Variants in ADA2 observed in about 807,000 individuals in gnomAD.
ADA2 encodes adenosine deaminase CECR1.
A neutral mutation model predicts 44.2 loss-of-function variants in ADA2; 29 were observed. The ratio of observed to expected loss-of-function variants is 0.66; its 90% CI spans 0.49 to 0.89. ADA2 has a LOEUF of 0.89. ADA2 is among the 40% of genes least tolerant of loss of function. The pLI, the probability that ADA2 is intolerant of heterozygous loss-of-function variation, is 0.00. For missense variants in ADA2, 637 were observed against 644.8 expected (o/e 0.99, Z 0.13); for synonymous variants, 215 against 234.9 (o/e 0.92, Z 0.77).
intron 4 of ADA2, among the ~76,000 whole-genome samples, chr22:17,196,322 C>A (rs1362811835): frequency 4.5e-5 from 5 of 111,338 alleles, no homozygotes; most frequent in Non-Finnish European, 7.9e-5. Context: ...AAACTCCATC[C>A]CAAAAAAAAA....
At position 17,182,681 on chromosome 22, in the gene ADA2, A is replaced by C; in HGVS notation, c.1162T>G (p.Leu388Val). Residue 388 changes from leucine (L) to valine (V), a missense_variant, in exon 8 of 10, where the codon TTG becomes GTG. By Grantham distance (32) the Leu-to-Val change is conservative (BLOSUM62 1). Coordinates refer to ENST00000399837, the MANE Select transcript of ADA2 (RefSeq NM_001282225.2). ...GTCCTGACTGCGGGGTGTTTGCTCA[A>C]AGCAAATCCATGGCCGATTCTGGTA... ...NTTRIGHGFA[L>V]SKHPAVRTYS... 2 of 1,614,088 alleles carry C rather than the reference A, an allele frequency of 1.2e-6. No individual in the cohort carries two copies. Among genetic ancestry groups the C allele is most frequent in the Non-Finnish European group, 1.7e-6 (2 of 1,180,016 alleles).
chr22:17,199,416 T>TCCTCCCTCCCCTCCTCTATCCTGTTCC, intron 4 of ADA2: 2 of 429,654 alleles, frequency 4.7e-6, no homozygotes, highest in Non-Finnish European at 8.8e-6. Flanking sequence ...TCTCAGCGTC[T>TCCTCCCTCCCCTCCTCTATCCTGTTCC]CCTCCCTCCC....
In ADA2 at chr22:17,180,160, C is replaced by G. The variant is rs2061952873; in HGVS notation, c.*1323G>C. Reference sequence around the variant, plus strand: ...AAAACAAAACAAACAAACAAAATGTCATTCTACACTGTGAAAAATGAGCTG... The same window carrying G: ...AAAACAAAACAAACAAACAAAATGTGATTCTACACTGTGAAAAATGAGCTG... On this transcript the variant is annotated 3_prime_UTR_variant, in exon 10 of 10. Coordinates refer to ENST00000399837, the MANE Select transcript of ADA2 (RefSeq NM_001282225.2). 1 of 152,260 alleles carries G rather than the reference C, an allele frequency of 6.6e-6. No homozygotes were observed. The highest frequency in any genetic ancestry group is 2.4e-5 in the African/African-American group (1 of 41,396). 9.4% of individuals were successfully genotyped at this position (152,260 alleles called of 1,614,324 possible).
intron 4 of ADA2, among the ~76,000 whole-genome samples, chr22:17,194,444 C>G (rs918064845): frequency 1.3e-5 from 2 of 152,164 alleles, no homozygotes; most frequent in African/African-American, 4.8e-5. Context: ...CTCAGATCCC[C>G]GCATTCCCCC....
intron 9 of ADA2, 78 bp downstream of exon 9, chr22:17,181,741 GC>G: frequency 2.3e-6 from 3 of 1,293,236 alleles, no homozygotes; most frequent in Non-Finnish European, 3.3e-6. Flanking sequence ...CGAGGCATCT[GC>G]CTCAAGCCTC....
At chr22:17,182,876 G>A in intron 7 of ADA2, 115 bp from the exon 8 acceptor site, 1 of 1,000,134 alleles carries the variant, frequency 1.0e-6, no homozygotes, top group East Asian at 2.6e-5. Flanking sequence ...AGCCCCCCAA[G>A]CACAAAAATG....
intron 9 of ADA2, 64 bp downstream of exon 9, chr22:17,181,756 A>G (rs1480592798): frequency 2.1e-5 from 30 of 1,405,184 alleles, no homozygotes; most frequent in Non-Finnish European, 2.8e-5. Context: ...AAGCCTCCAG[A>G]GAGGCAAACA....
rs371138653 is a variant in ADA2 at position 17,188,863 on chromosome 22, C to CAAAAAAAAAAAAAAAAAAAAAAAAAA, written c.973-417_973-416insTTTTTTTTTTTTTTTTTTTTTTTTTT. The CAAAAAAAAAAAAAAAAAAAAAAAAAA allele has an allele frequency of 1.2e-3, 31 of 26,708 alleles. 3 individuals are homozygous for CAAAAAAAAAAAAAAAAAAAAAAAAAA. The highest frequency in any genetic ancestry group is 1.9e-3 in the East Asian group (2 of 1,044). 1.7% of individuals were successfully genotyped at this position (26,708 alleles called of 1,614,324 possible). ...CAATGCACTACAGCCTGGCCAAGAGCAAAAAATATATATATATATATATTT... is the reference window on the plus strand; with the variant it reads ...CAATGCACTACAGCCTGGCCAAGAGCAAAAAAAAAAAAAAAAAAAAAAAAAAAAAAAATATATATATATATATATTT... On this transcript the variant is annotated intron_variant, in intron 6 of 9. Coordinates refer to ENST00000399837, the MANE Select transcript of ADA2 (RefSeq NM_001282225.2).
At chr22:17,212,120 G>C (rs2062425704) in intron 1 of ADA2, among the ~76,000 whole-genome samples, 1 of 151,606 alleles carries the variant, frequency 6.6e-6, no homozygotes. Flanking sequence ...CTCCTCCCAG[G>C]TTCAAGCGAT....
intron 4 of ADA2, chr22:17,199,794 A>G: frequency 5.7e-6 from 8 of 1,407,160 alleles, no homozygotes; most frequent in Non-Finnish European, 6.5e-6. Context: ...AATAAGATGA[A>G]TTAATAGCTG....
upstream of ADA2, among the ~76,000 whole-genome samples, chr22:17,219,854 T>G (rs906721977): frequency 1.3e-5 from 2 of 151,956 alleles, no homozygotes; most frequent in African/African-American, 4.8e-5. Context: ...TTTTGTATTT[T>G]TAGTAGAAAT....
At chr22:17,189,774 G>A (rs1283836269) in intron 6 of ADA2, 168 bp downstream of exon 6, 3 of 590,672 alleles carry the variant, frequency 5.1e-6, no homozygotes, top group East Asian at 2.9e-5. Context: ...GAGGGTCAGC[G>A]CTGAGCTCTG....
intron 7 of ADA2, 79 bp downstream of exon 7, chr22:17,188,260 A>G: frequency 9.8e-7 from 1 of 1,024,886 alleles, no homozygotes; most frequent in South Asian, 1.4e-5. Flanking sequence ...GTAGGCTCTA[A>G]CCCTGAGGCA....
chr22:17,189,076 A>G (rs5992635), intron 6 of ADA2, among the ~76,000 whole-genome samples: 2,515 of 143,072 alleles, frequency 0.018, 78 homozygotes, highest in African/African-American at 0.062. Flanking sequence ...CTGGAGTGCA[A>G]TGGTGCAATC....
At chr22:17,186,356 G>A (rs1342643420) in intron 7 of ADA2, among the ~76,000 whole-genome samples, 7 of 149,180 alleles carry the variant, frequency 4.7e-5, no homozygotes, top group Middle Eastern at 3.2e-3. Context: ...CAAGGCGGGT[G>A]GATTGTTTGA....
intron 7 of ADA2, among the ~76,000 whole-genome samples, chr22:17,185,405 A>G (rs879724500): frequency 7.0e-5 from 10 of 142,926 alleles, no homozygotes; most frequent in Non-Finnish European, 1.2e-4. Flanking sequence ...ACAGAGCGAG[A>G]CTCCGTCTCA....
chr22:17,190,143 T>C, intron 5 of ADA2, 111 bp from the exon 6 acceptor site: 1 of 833,950 alleles, frequency 1.2e-6, no homozygotes, highest in Non-Finnish European at 2.0e-6. Flanking sequence ...GCAGGTCCCG[T>C]TTCCCAAACC....
At chr22:17,193,759 G>C (rs529952706) in intron 4 of ADA2, among the ~76,000 whole-genome samples, 2 of 151,598 alleles carry the variant, frequency 1.3e-5, no homozygotes, top group South Asian at 4.2e-4. Context: ...TGGAGATGTC[G>C]ATTACTTCCA....
intron 3 of ADA2, among the ~76,000 whole-genome samples, chr22:17,205,025 CTT>C (rs563247399): frequency 7.1e-6 from 1 of 141,520 alleles, no homozygotes; most frequent in Admixed American, 7.1e-5. Flanking sequence ...TTCTTTCTTT[CTT>C]TTTTTTTTTA....
Sources: gnomAD v4.1 joint callset for allele counts (sites outside exome capture counted in the v4.1 genomes callset) on GRCh38, gnomAD v4.1.1 for gene constraint, MANE v1.5 for transcripts, NCBI Gene and HGNC (gene_info 2026-07-23, HGNC 2026-07-21) for gene names.